UFL1: variants seen among roughly 807,000 people sequenced by gnomAD.
The protein encoded by UFL1 is UFM1 specific ligase 1, also known as E3 UFM1-protein ligase 1.
UFL1 carries 78 observed loss-of-function variants against 99.3 expected under a neutral mutation model. The ratio of observed to expected loss-of-function variants is 0.79; its 90% CI spans 0.65 to 0.95. The LOEUF (loss-of-function observed/expected upper bound fraction) is 0.95. Among genes scored for constraint, UFL1 ranks in the 40% least tolerant of loss-of-function variants. The probability of loss-of-function intolerance (pLI) is 0.00; values close to 1 mark genes in which losing one functional copy is unlikely to be tolerated. For synonymous variants in UFL1, 335 were observed against 322.2 expected (o/e 1.04, Z -0.42); for missense variants, 936 against 937.0 (o/e 1.00, Z 0.01).
intron 11 of UFL1, among the ~76,000 whole-genome samples, chr6:96,541,218 T>C (rs139771715): frequency 6.6e-6 from 1 of 151,596 alleles, no homozygotes; most frequent in East Asian, 1.9e-4. Flanking sequence ...TTGGGAACTG[T>C]GTTGATCTCA....
At chr6:96,533,136 T>A (rs1191334843) in intron 6 of UFL1, among the ~76,000 whole-genome samples, 1 of 151,848 alleles carries the variant, frequency 6.6e-6, no homozygotes, top group Non-Finnish European at 1.5e-5. Flanking sequence ...AGAACAGGCA[T>A]ACTGGCTTAA....
In UFL1 at chr6:96,554,755, A is replaced by T. The variant is rs550904143; in HGVS notation, c.*1252A>T. The T allele has an allele frequency of 2.1e-3, 320 of 152,732 alleles. No individual in the cohort carries two copies. Among genetic ancestry groups the T allele is most frequent in the Non-Finnish European group, 3.3e-3 (227 of 67,988 alleles). 9.5% of individuals were successfully genotyped at this position (152,732 alleles called of 1,614,324 possible). ...GTGAAAGTAATTAATTAAATTGCCA[A>T]CTTGGCATTATTATTAAACTTGATA... On this transcript the variant is annotated 3_prime_UTR_variant, in exon 19 of 19. Coordinates refer to ENST00000369278, the MANE Select transcript of UFL1 (RefSeq NM_015323.5).
intron 7 of UFL1, among the ~76,000 whole-genome samples, chr6:96,535,457 G>A (rs1769839924): frequency 1.3e-5 from 2 of 151,958 alleles, no homozygotes; most frequent in South Asian, 2.1e-4. Flanking sequence ...CGTGGTGGTG[G>A]TGATGGTAGT....
chr6:96,551,554 GT>G (rs1270761882), intron 16 of UFL1, 41 bp downstream of exon 16: 1 of 1,308,414 alleles, frequency 7.6e-7, no homozygotes, highest in Non-Finnish European at 1.0e-6. Flanking sequence ...AGGGCTAGCA[GT>G]TTGTTACAAA....
intron 7 of UFL1, 62 bp downstream of exon 7, chr6:96,534,383 T>C: frequency 1.6e-6 from 2 of 1,230,398 alleles, no homozygotes. Flanking sequence ...AATGTAAAAC[T>C]TACTAACTTT....
intron 11 of UFL1, 124 bp from the exon 12 acceptor site, chr6:96,542,769 TA>T: frequency 1.0e-6 from 1 of 974,020 alleles, no homozygotes. Flanking sequence ...AAAAAGAGTC[TA>T]AAAGTTTCTT....
chr6:96,539,427 A>T (rs1207427365), intron 10 of UFL1, among the ~76,000 whole-genome samples: 1 of 151,592 alleles, frequency 6.6e-6, no homozygotes, highest in African/African-American at 2.4e-5. Flanking sequence ...CTGTTAATAA[A>T]TTCATGAGGG....
In UFL1 at chr6:96,549,433, C is replaced by G; in HGVS notation, c.1542C>G (p.Leu514=). The change falls in exon 14 of 19, where the codon CTC becomes CTG. Residue 514 remains leucine, a synonymous_variant. Transcript: ENST00000369278. Reference sequence around the variant, plus strand: ...ACAGACCTCTTAATAAAACTTATCTCGAGGTGGTACGTTCAGTATTCATGT... The same window carrying G: ...ACAGACCTCTTAATAAAACTTATCTGGAGGTGGTACGTTCAGTATTCATGT... ...YLIKPLNKTY[L]EVVRSVFMSS... 6.3e-7 allele frequency: 1 copy of G among 1,596,448 alleles called. No homozygotes were observed. The highest frequency in any genetic ancestry group is 2.2e-5 in the East Asian group (1 of 44,742).
At chr6:96,525,686 A>AC (rs1228325750) in intron 4 of UFL1, among the ~76,000 whole-genome samples, 1 of 152,006 alleles carries the variant, frequency 6.6e-6, no homozygotes, top group Non-Finnish European at 1.5e-5. Context: ...AATTAAAAAA[A>AC]AAAAAAAAAA....
At chr6:96,522,051 C>G (rs1769620191) in intron 1 of UFL1, 101 bp downstream of exon 1, 2 of 1,289,988 alleles carry the variant, frequency 1.6e-6, no homozygotes, top group Admixed American at 2.1e-5. Flanking sequence ...CCCGGGTCTT[C>G]TCGCTGCTTG....
rs13210597 is a variant in UFL1 at position 96,521,818 on chromosome 6, C to A, written c.-56C>A. 0.18 allele frequency: 283,418 copies of A among 1,559,164 alleles called. 26,691 individuals carry two copies. Among genetic ancestry groups the A allele is most frequent in the Middle Eastern group, 0.23 (1,025 of 4,552 alleles). ...GCCCGTTCCGCCTCTCTTCTCCCAC[C>A]GCCTGTCGGCTGACGTGTCTGCAGT... On this transcript the variant is annotated 5_prime_UTR_variant, in exon 1 of 19. Coordinates refer to ENST00000369278, the MANE Select transcript of UFL1 (RefSeq NM_015323.5).
Position 96,522,053 on chromosome 6 carries a change from C to T in UFL1, c.77+103C>T, listed in dbSNP as rs1769620292. 3 of 1,262,496 alleles carry T rather than the reference C, an allele frequency of 2.4e-6. No individual in the cohort carries two copies. The African/African-American group carries it at 4.5e-5, about 19-fold the overall frequency. 78.2% of individuals were successfully genotyped at this position (1,262,496 alleles called of 1,614,324 possible). ...CGCGGCCCTGCATCCCGGGTCTTCTCGCTGCTTGTCACCATTCTCTCCTCC... is the reference window on the plus strand; with the variant it reads ...CGCGGCCCTGCATCCCGGGTCTTCTTGCTGCTTGTCACCATTCTCTCCTCC... On this transcript the variant is annotated intron_variant, in intron 1 of 18. Coordinates refer to ENST00000369278, the MANE Select transcript of UFL1 (RefSeq NM_015323.5).
chr6:96,542,731 T>C (rs1359329601), intron 11 of UFL1, among the ~76,000 whole-genome samples, 163 bp from the exon 12 acceptor site: 1 of 151,274 alleles, frequency 6.6e-6, no homozygotes, highest in Non-Finnish European at 1.5e-5. Flanking sequence ...TTGGATTTAC[T>C]AAACTTTTAA....
At chr6:96,523,078 T>G in intron 1 of UFL1, 68 bp from the exon 2 acceptor site, 2 of 1,439,610 alleles carry the variant, frequency 1.4e-6, no homozygotes, top group African/African-American at 1.4e-5. Context: ...TTTCATACAT[T>G]GTATTAATTT....
intron 6 of UFL1, among the ~76,000 whole-genome samples, chr6:96,532,666 A>G (rs1769798560): frequency 6.6e-6 from 1 of 152,116 alleles, no homozygotes; most frequent in Non-Finnish European, 1.5e-5. Context: ...TTATTTATAC[A>G]TGTCTTCTCC....
rs747541596 is a variant in UFL1 at position 96,551,905 on chromosome 6, G to C, written c.1967G>C (p.Gly656Ala). 6.2e-7 allele frequency: 1 copy of C among 1,604,628 alleles called. No individual in the cohort carries two copies. The highest frequency in any genetic ancestry group is 2.2e-5 in the East Asian group (1 of 44,684). ...AEACDIMVKR[G>A]DKKRERQILF... ...GCTTGTGATATTATGGTGAAAAGGG[G>C]AGACAAAAAAAGGGAAAGGTAACAT... The change falls in exon 17 of 19, where the codon GGA becomes GCA. Residue 656 changes from glycine (G) to alanine (A), a missense_variant. Physicochemically the swap from Gly to Ala is moderately conservative, Grantham distance 60 (BLOSUM62 0). Coordinates refer to ENST00000369278, the MANE Select transcript of UFL1 (RefSeq NM_015323.5).
chr6:96,524,050 G>A lies in UFL1; in HGVS notation c.224-332G>A, dbSNP rs146490461. ...AAAAAAAGTTCATCTTAATTTAGTT[G>A]TCAATATCTCTTTGATCACAGTAGA... is the stretch of plus-strand genomic sequence containing the variant. On this transcript the variant is annotated intron_variant, in intron 2 of 18. Transcript: ENST00000369278. Among the ~76,000 whole-genome samples, 460 of 151,780 alleles carry A rather than the reference G, an allele frequency of 3.0e-3. 1 individual carries two copies. The highest frequency in any genetic ancestry group is 0.011 in the African/African-American group (438 of 41,382).
chr6:96,528,816 CCT>C (rs1562251404), intron 6 of UFL1, among the ~76,000 whole-genome samples, 184 bp downstream of exon 6: 1 of 152,126 alleles, frequency 6.6e-6, no homozygotes, highest in Admixed American at 6.5e-5. Flanking sequence ...TAGAATGCAG[CCT>C]CTCTCTCCAG....
In UFL1 at chr6:96,536,093, C is replaced by G. The variant is rs191775547; in HGVS notation, c.656-151C>G. On this transcript the variant is annotated intron_variant, in intron 7 of 18. Transcript: ENST00000369278. ...CTCATAAATGGCAGGAAAATTTTGT[C>G]TAAAATATACTACCTTTATTTATGC... 29 of 765,300 alleles carry G rather than the reference C, an allele frequency of 3.8e-5. No homozygotes were observed. In the Admixed American group the frequency reaches 5.5e-4, roughly 14 times the overall value. 47.4% of individuals were successfully genotyped at this position (765,300 alleles called of 1,614,324 possible). A position where few individuals can be genotyped will look rare whatever the true frequency, so the allele number is the denominator to read the frequency against.
Sources: allele counts gnomAD v4.1 joint callset (sites outside exome capture counted in the v4.1 genomes callset), GRCh38; gene constraint gnomAD v4.1.1; transcripts MANE v1.5; gene names NCBI Gene and HGNC (gene_info 2026-07-23, HGNC 2026-07-21).